IL1RAPL1: variants seen among roughly 807,000 people sequenced by gnomAD.
IL1RAPL1 encodes interleukin 1 receptor accessory protein like 1, also known as interleukin-1 receptor accessory protein-like 1.
IL1RAPL1 carries 3 observed loss-of-function variants against 48.4 expected under a neutral mutation model. The ratio of observed to expected loss-of-function variants is 0.06; its 90% CI spans 0.03 to 0.16. The LOEUF (loss-of-function observed/expected upper bound fraction) is 0.16. Ranked by LOEUF, IL1RAPL1 falls within the 10% of genes least tolerant of loss-of-function variation. The pLI, the probability that IL1RAPL1 is intolerant of heterozygous loss-of-function variation, is 1.00. For missense variants in IL1RAPL1, 349 were observed against 530.6 expected, an observed-to-expected ratio of 0.66 and a Z score of 3.36; for synonymous variants, 185 against 187.7, an observed-to-expected ratio of 0.99 and a Z score of 0.12.
intron 5 of IL1RAPL1, among the ~76,000 whole-genome samples, chrX:29,492,928 A>G (rs190268165): frequency 5.7e-4 from 64 of 111,633 alleles, no homozygotes; most frequent in Middle Eastern, 4.7e-3. Context: ...CATTATAGAC[A>G]TTGCCTGTTA....
At chrX:29,661,252 G>A (rs769940702) in intron 5 of IL1RAPL1, among the ~76,000 whole-genome samples, 1 of 112,319 alleles carries the variant, frequency 8.9e-6, no homozygotes, top group East Asian at 2.8e-4. Flanking sequence ...GTATAAGATC[G>A]TGTCATCAGC....
At chrX:29,138,651 C>A (rs369885876) in intron 2 of IL1RAPL1, among the ~76,000 whole-genome samples, 81 of 107,214 alleles carry the variant, frequency 7.6e-4, no homozygotes, top group African/African-American at 2.6e-3. Context: ...GTAATGCGTG[C>A]CTGTAATCCC....
intron 8 of IL1RAPL1, among the ~76,000 whole-genome samples, chrX:29,937,711 G>A (rs1933055350): frequency 9.0e-6 from 1 of 111,409 alleles, no homozygotes; most frequent in Non-Finnish European, 1.9e-5. Flanking sequence ...TGCACCATGG[G>A]GAAAGACACA....
At chrX:28,990,888 C>T (rs780774100) in intron 2 of IL1RAPL1, among the ~76,000 whole-genome samples, 1 of 111,550 alleles carries the variant, frequency 9.0e-6, no homozygotes, top group East Asian at 2.8e-4. Flanking sequence ...TACCTCAATG[C>T]CAATGAGATA....
chrX:28,819,972 ATATATAT>A (rs1314179619), intron 2 of IL1RAPL1, among the ~76,000 whole-genome samples: 2 of 20,739 alleles, frequency 9.6e-5, no homozygotes, highest in African/African-American at 1.1e-3. Context: ...ATAGTGATAT[ATATATAT>A]ATATATATAT....
intron 6 of IL1RAPL1, among the ~76,000 whole-genome samples, chrX:29,766,443 T>A (rs1190672492): frequency 2.2e-5 from 2 of 90,699 alleles, no homozygotes; most frequent in African/African-American, 8.2e-5. Context: ...ATATATATAT[T>A]TATATGTCCA....
intron 1 of IL1RAPL1, among the ~76,000 whole-genome samples, chrX:28,623,961 A>T (rs1025627712): frequency 8.9e-5 from 10 of 111,795 alleles, no homozygotes; most frequent in African/African-American, 3.3e-4. Context: ...ATACCCTCTT[A>T]CACAAAGTCA....
intron 3 of IL1RAPL1, among the ~76,000 whole-genome samples, chrX:29,379,662 C>G (rs1364401565): frequency 2.7e-5 from 3 of 112,013 alleles, no homozygotes; most frequent in Non-Finnish European, 3.8e-5. Flanking sequence ...GAGCCGAAAA[C>G]TAGCCATAAC....
At chrX:29,764,261 A>G (rs1455753457) in intron 6 of IL1RAPL1, among the ~76,000 whole-genome samples, 1 of 111,733 alleles carries the variant, frequency 8.9e-6, no homozygotes, top group Non-Finnish European at 1.9e-5. Flanking sequence ...GTCTTCCAGC[A>G]TTGCTTCCAT....
At chrX:28,645,112 C>T (rs1338798962) in intron 1 of IL1RAPL1, among the ~76,000 whole-genome samples, 7 of 109,427 alleles carry the variant, frequency 6.4e-5, no homozygotes, top group African/African-American at 2.3e-4. Flanking sequence ...CTTTGGGAGG[C>T]CGAGGTGGGT....
intron 1 of IL1RAPL1, among the ~76,000 whole-genome samples, chrX:28,702,419 A>G (rs983327643): frequency 2.7e-5 from 3 of 112,102 alleles, no homozygotes; most frequent in African/African-American, 9.7e-5. Flanking sequence ...ATGATGGCAC[A>G]ATTACACAGA....
At chrX:29,920,246 C>T in intron 8 of IL1RAPL1, 152 bp downstream of exon 8, 1 of 635,429 alleles carries the variant, frequency 1.6e-6, no homozygotes, top group Non-Finnish European at 2.5e-6. Context: ...CCGAGGCAAA[C>T]AGCACAGTAG....
At position 28,587,619 on chromosome X, in the gene IL1RAPL1, A is replaced by G. The variant is rs1053514056; in HGVS notation, c.-453A>G. The G allele has an allele frequency of 9.0e-6, 1 of 111,219 alleles. No individual in the cohort carries two copies. Among genetic ancestry groups the G allele is most frequent in the Non-Finnish European group, 1.9e-5 (1 of 53,059 alleles). 9.2% of individuals were successfully genotyped at this position (111,219 alleles called of 1,213,427 possible). A position where few individuals can be genotyped will look rare whatever the true frequency, so the allele number is the denominator to read the frequency against. ...CAAGCAACACTCCAATTCTTGTCATAGAGCTCGCAGACTTCTCACTTATCG... is the reference window on the plus strand; with the variant it reads ...CAAGCAACACTCCAATTCTTGTCATGGAGCTCGCAGACTTCTCACTTATCG... On this transcript the variant is annotated 5_prime_UTR_variant, in exon 1 of 11. The change creates a new upstream start codon in the 5' untranslated region. Transcript: ENST00000378993.
chrX:28,829,791 C>G (rs774712179), intron 2 of IL1RAPL1, among the ~76,000 whole-genome samples: 168 of 110,630 alleles, frequency 1.5e-3, no homozygotes, highest in African/African-American at 5.3e-3. Context: ...AGCTCCTGAC[C>G]TCATGATCCT....
chrX:29,342,262 A>T (rs1602183882), intron 3 of IL1RAPL1, among the ~76,000 whole-genome samples: 2 of 111,513 alleles, frequency 1.8e-5, no homozygotes, highest in Middle Eastern at 4.6e-3. Flanking sequence ...TAAGTCATTC[A>T]TTTGAATACA....
intron 3 of IL1RAPL1, among the ~76,000 whole-genome samples, chrX:29,333,978 A>AC (rs1191378866): frequency 5.5e-3 from 137 of 24,990 alleles, no homozygotes; most frequent in Non-Finnish European, 8.1e-3. Context: ...CGGGGGGCTG[A>AC]CCCCCCCACC....
intron 6 of IL1RAPL1, among the ~76,000 whole-genome samples, chrX:29,741,738 T>C (rs1194371932): frequency 1.9e-5 from 2 of 107,928 alleles, no homozygotes; most frequent in Non-Finnish European, 3.8e-5. Flanking sequence ...CTGGCCAACG[T>C]GGCGAAATCT....
At chrX:29,310,093 C>CAAAAAAAAAAAAAAAAA (rs57210050) in intron 3 of IL1RAPL1, among the ~76,000 whole-genome samples, 2 of 23,738 alleles carry the variant, frequency 8.4e-5, no homozygotes, top group Non-Finnish European at 6.5e-5. Flanking sequence ...GACTCCGTCT[C>CAAAAAAAAAAAAAAAAA]AAAAAAAAAA....
intron 5 of IL1RAPL1, among the ~76,000 whole-genome samples, chrX:29,500,261 G>A (rs893139902): frequency 7.1e-5 from 8 of 112,328 alleles, no homozygotes; most frequent in South Asian, 3.7e-4. Context: ...GATTACAGGC[G>A]TGAGCCATCG....
Sources: allele counts gnomAD v4.1 joint callset (sites outside exome capture counted in the v4.1 genomes callset), GRCh38; gene constraint gnomAD v4.1.1; transcripts MANE v1.5; gene names NCBI Gene and HGNC (gene_info 2026-07-23, HGNC 2026-07-21).